Variants in TMEM232 observed in about 807,000 individuals in gnomAD.
TMEM232 encodes transmembrane protein 232.
TMEM232 carries 80 observed loss-of-function variants against 78.8 expected under a neutral mutation model. That is an observed-to-expected ratio of 1.01 (90% CI 0.85 to 1.22). TMEM232 has a LOEUF of 1.22. Among genes scored for constraint, TMEM232 ranks in the 50% most tolerant of loss-of-function variants. TMEM232 has a pLI of 0.00. For missense variants in TMEM232, 881 were observed against 742.2 expected (o/e 1.19, Z -2.17); for synonymous variants, 297 against 254.3 (o/e 1.17, Z -1.60).
At chr5:110,674,495 T>A (rs1791773754) in intron 1 of TMEM232, among the ~76,000 whole-genome samples, 1 of 152,224 alleles carries the variant, frequency 6.6e-6, no homozygotes, top group Non-Finnish European at 1.5e-5. Context: ...CAAAGTATAT[T>A]ATTTCTGAAT....
intron 12 of TMEM232, among the ~76,000 whole-genome samples, chr5:110,428,113 A>G (rs141560808): frequency 9.9e-4 from 151 of 151,914 alleles, no homozygotes; most frequent in African/African-American, 3.6e-3. Flanking sequence ...GTACCCATTA[A>G]CCATTCCTAC....
chr5:110,483,832 T>C (rs1405107445), intron 12 of TMEM232, among the ~76,000 whole-genome samples: 1 of 152,154 alleles, frequency 6.6e-6, no homozygotes, highest in Non-Finnish European at 1.5e-5. Context: ...AAAATTGATA[T>C]TGTTCTACCA....
chr5:110,421,910 C>T (rs311692), intron 13 of TMEM232, among the ~76,000 whole-genome samples: 5,326 of 152,224 alleles, frequency 0.035, 184 homozygotes, highest in African/African-American at 0.078. Flanking sequence ...CTGCACTTAT[C>T]TTAAGGCTGT....
At chr5:110,601,974 G>C (rs755565778) in intron 10 of TMEM232, among the ~76,000 whole-genome samples, 11 of 152,004 alleles carry the variant, frequency 7.2e-5, no homozygotes, top group Non-Finnish European at 7.4e-5. Flanking sequence ...CAGAACAGAG[G>C]CTTCAGAAAT....
At chr5:110,478,720 A>G (rs1335951851) in intron 12 of TMEM232, among the ~76,000 whole-genome samples, 1 of 151,794 alleles carries the variant, frequency 6.6e-6, no homozygotes, top group Non-Finnish European at 1.5e-5. Flanking sequence ...AGATGTTAAT[A>G]TCATAAGGCA....
intron 2 of TMEM232, among the ~76,000 whole-genome samples, chr5:110,401,468 A>G (rs1361554789): frequency 3.3e-5 from 5 of 152,086 alleles, no homozygotes; most frequent in African/African-American, 1.2e-4. Flanking sequence ...GCTACTGGCA[A>G]CACAAGAGTT....
At chr5:110,435,791 A>C (rs1758365166) in intron 12 of TMEM232, among the ~76,000 whole-genome samples, 1 of 151,912 alleles carries the variant, frequency 6.6e-6, no homozygotes, top group Non-Finnish European at 1.5e-5. Context: ...ACAGGATCTC[A>C]TTCTTTCTTA....
chr5:110,421,075 G>A (rs914395234), intron 13 of TMEM232, among the ~76,000 whole-genome samples: 1 of 151,466 alleles, frequency 6.6e-6, no homozygotes, highest in South Asian at 2.1e-4. Flanking sequence ...TTACATGACA[G>A]CATGGGTTAT....
At position 110,685,402 on chromosome 5, in the gene TMEM232, C is replaced by T. The variant is rs1354768051; in HGVS notation, c.-12-18038G>A. Among the ~76,000 whole-genome samples the T allele has an allele frequency of 9.2e-5, 14 of 151,968 alleles. No individual in the cohort carries two copies. In the South Asian group the frequency reaches 2.5e-3, roughly 27 times the overall value. ...CAAAATCTGAGAAAGATCAACAAAG[C>T]CAGTATGATCAAAATCATTAGTCTT... On this transcript the variant is annotated intron_variant, in intron 1 of 13. Coordinates refer to ENST00000455884, the MANE Select transcript of TMEM232 (RefSeq NM_001039763.4).
chr5:110,709,172 C>A (rs1439654756), intron 1 of TMEM232, among the ~76,000 whole-genome samples: 5 of 151,970 alleles, frequency 3.3e-5, no homozygotes, highest in African/African-American at 1.2e-4. Context: ...GTCAATCCAG[C>A]AAGATGATAT....
intron 10 of TMEM232, among the ~76,000 whole-genome samples, chr5:110,577,101 A>G (rs757999165): frequency 6.6e-6 from 1 of 152,152 alleles, no homozygotes; most frequent in Non-Finnish European, 1.5e-5. Context: ...CAATCTTGGG[A>G]ATGGGAGAAA....
intron 12 of TMEM232, among the ~76,000 whole-genome samples, chr5:110,489,930 C>T (rs990114284): frequency 2.0e-5 from 3 of 151,802 alleles, no homozygotes; most frequent in Non-Finnish European, 4.4e-5. Flanking sequence ...TTGAGACCAT[C>T]CTGGCCAACA....
At chr5:110,568,669 C>T in intron 10 of TMEM232, 44 bp from the exon 11 acceptor site, 1 of 1,493,998 alleles carries the variant, frequency 6.7e-7, no homozygotes. Context: ...ATTTTATTCA[C>T]CTTGCTAAAG....
chr5:110,596,892 A>C (rs1289603516), intron 10 of TMEM232, among the ~76,000 whole-genome samples: 1 of 152,142 alleles, frequency 6.6e-6, no homozygotes, highest in Non-Finnish European at 1.5e-5. Flanking sequence ...TCTATGACAA[A>C]CCCACAGCCA....
At chr5:110,593,192 C>T (rs751341710) in intron 10 of TMEM232, among the ~76,000 whole-genome samples, 11 of 152,098 alleles carry the variant, frequency 7.2e-5, no homozygotes, top group African/African-American at 1.2e-4. Flanking sequence ...AAAAGATTCT[C>T]AGTAGGTCTG....
intron 2 of TMEM232, among the ~76,000 whole-genome samples, chr5:110,732,502 A>G (rs1184793178): frequency 6.6e-6 from 1 of 152,194 alleles, no homozygotes; most frequent in Admixed American, 6.5e-5. Context: ...AGGAGGTGAA[A>G]GGCACTTCTT....
chr5:110,691,945 G>C (rs141293241), intron 1 of TMEM232, among the ~76,000 whole-genome samples: 58 of 152,244 alleles, frequency 3.8e-4, no homozygotes, highest in African/African-American at 1.3e-3. Context: ...TTTTGGGACG[G>C]AGTCTCACTC....
At chr5:110,685,273 A>G (rs1793254678) in intron 1 of TMEM232, among the ~76,000 whole-genome samples, 1 of 152,146 alleles carries the variant, frequency 6.6e-6, no homozygotes, top group African/African-American at 2.4e-5. Flanking sequence ...AAAGCTAAAA[A>G]TTAATTAGCC....
At chr5:110,690,738 T>C (rs907671623) in intron 1 of TMEM232, among the ~76,000 whole-genome samples, 3 of 152,162 alleles carry the variant, frequency 2.0e-5, no homozygotes, top group Non-Finnish European at 2.9e-5. Flanking sequence ...TACTCATCAA[T>C]GATAGACTGG....
Sources: gnomAD v4.1 joint callset for allele counts (sites outside exome capture counted in the v4.1 genomes callset) on GRCh38, gnomAD v4.1.1 for gene constraint, MANE v1.5 for transcripts, NCBI Gene and HGNC (gene_info 2026-07-23, HGNC 2026-07-21) for gene names.